The following BIN2 variants were observed in gnomAD, a reference collection of about 807,000 sequenced individuals.
BIN2 encodes bridging integrator 2, also known as breast cancer associated protein BRAP1.
A neutral mutation model predicts 67.9 loss-of-function variants in BIN2; 43 were observed. That is an observed-to-expected ratio of 0.63 (90% CI 0.50 to 0.82). BIN2 has a LOEUF of 0.82. Ranked by LOEUF, BIN2 falls within the 40% of genes least tolerant of loss-of-function variation. BIN2 has a pLI of 0.00. For missense variants in BIN2, 581 were observed against 671.6 expected (o/e 0.87, Z 1.49); for synonymous variants, 244 against 246.8 (o/e 0.99, Z 0.11).
At chr12:51,318,798 T>C (rs567735947) in intron 1 of BIN2, among the ~76,000 whole-genome samples, 1 of 152,342 alleles carries the variant, frequency 6.6e-6, no homozygotes, top group East Asian at 1.9e-4. Flanking sequence ...ATATTTTGCA[T>C]GTAAATTGCT....
At chr12:51,320,231 C>T (rs1019183878) in intron 1 of BIN2, among the ~76,000 whole-genome samples, 1 of 152,090 alleles carries the variant, frequency 6.6e-6, no homozygotes, top group Non-Finnish European at 1.5e-5. Flanking sequence ...CATTGGCCAG[C>T]CTGGTCTCGA....
At chr12:51,307,923 G>A (rs1210977321) in intron 2 of BIN2, among the ~76,000 whole-genome samples, 1 of 152,080 alleles carries the variant, frequency 6.6e-6, no homozygotes, top group Non-Finnish European at 1.5e-5. Flanking sequence ...CTCCATTTCT[G>A]TGTTTTAGAA....
At position 51,313,532 on chromosome 12, in the gene BIN2, G is replaced by A. The variant is rs553702834; in HGVS notation, c.162+291C>T. Among the ~76,000 whole-genome samples the A allele has an allele frequency of 3.9e-5, 6 of 151,936 alleles. No individual in the cohort carries two copies. In the South Asian group the frequency reaches 1.3e-3, roughly 32 times the overall value. ...TTTTTTGTATTTTTAGTACAGACGG[G>A]GTTTCATCATGTTGGCCAGGATGGT... is the stretch of plus-strand genomic sequence containing the variant. On this transcript the variant is annotated intron_variant, in intron 2 of 12. Transcript: ENST00000615107.
intron 5 of BIN2, 95 bp from the exon 6 acceptor site, chr12:51,299,809 T>A: frequency 9.4e-7 from 1 of 1,061,936 alleles, no homozygotes; most frequent in South Asian, 1.3e-5. Context: ...GATTCTTGCA[T>A]CCTACTATCA....
intron 9 of BIN2, among the ~76,000 whole-genome samples, chr12:51,295,575 A>AAAAAGAAAAAAAAAG (rs1945529931): frequency 1.1e-4 from 2 of 18,268 alleles, no homozygotes; most frequent in East Asian, 4.4e-3. Flanking sequence ...AAAAAAAAAA[A>AAAAAGAAAAAAAAAG]AAATATATAT....
chr12:51,316,613 T>A (rs180906052), intron 1 of BIN2, among the ~76,000 whole-genome samples: 11 of 152,276 alleles, frequency 7.2e-5, no homozygotes, highest in Admixed American at 6.5e-4. Context: ...TCTCTGCAGG[T>A]CTCCTTTCCT....
intron 1 of BIN2, among the ~76,000 whole-genome samples, chr12:51,323,726 A>T (rs1489290335): frequency 6.6e-6 from 1 of 151,984 alleles, no homozygotes; most frequent in African/African-American, 2.4e-5. Flanking sequence ...CCTTTCTTTC[A>T]CCTTTTCTGG....
At chr12:51,324,658 G>T (rs896158011), upstream of BIN2, 13 of 924,826 alleles carry the variant, frequency 1.4e-5, no homozygotes, top group South Asian at 2.7e-4. Flanking sequence ...GGGCTTGAAA[G>T]AGAGAAACAG....
chr12:51,309,618 C>A (rs1220886916), intron 2 of BIN2, among the ~76,000 whole-genome samples: 2 of 152,056 alleles, frequency 1.3e-5, no homozygotes, highest in Non-Finnish European at 2.9e-5. Context: ...ACCCCTGGCC[C>A]TTCCGCTTCA....
At chr12:51,312,551 T>C (rs1946021564) in intron 2 of BIN2, among the ~76,000 whole-genome samples, 1 of 152,206 alleles carries the variant, frequency 6.6e-6, no homozygotes, top group African/African-American at 2.4e-5. Context: ...CCGAATGAAA[T>C]GATATATCTA....
chr12:51,283,904 G>T (rs1945176041), intron 12 of BIN2, among the ~76,000 whole-genome samples: 1 of 148,262 alleles, frequency 6.7e-6, no homozygotes, highest in Non-Finnish European at 1.5e-5. Context: ...TGAGGCAGGA[G>T]AATTGCTTGA....
chr12:51,319,955 C>CTCTCTCCTTCCTTTCT (rs140671810), intron 1 of BIN2, among the ~76,000 whole-genome samples: 1 of 150,966 alleles, frequency 6.6e-6, no homozygotes, highest in Non-Finnish European at 1.5e-5. Flanking sequence ...GGAAATCTTT[C>CTCTCTCCTTCCTTTCT]TCTTTCCTTC....
intron 11 of BIN2, among the ~76,000 whole-genome samples, chr12:51,286,121 AT>A (rs1298444958): frequency 6.6e-6 from 1 of 151,784 alleles, no homozygotes; most frequent in Non-Finnish European, 1.5e-5. Context: ...TTTCCCAGTA[AT>A]TTTTTTTCAA....
At chr12:51,316,618 T>C (rs1016552434) in intron 1 of BIN2, among the ~76,000 whole-genome samples, 2 of 152,206 alleles carry the variant, frequency 1.3e-5, no homozygotes, top group Non-Finnish European at 2.9e-5. Flanking sequence ...GCAGGTCTCC[T>C]TTCCTAACAC....
chr12:51,313,184 GAGGA>G (rs534447282), intron 2 of BIN2, among the ~76,000 whole-genome samples: 130 of 113,834 alleles, frequency 1.1e-3, no homozygotes, highest in East Asian at 0.011. Flanking sequence ...GTTGCAGTGA[GAGGA>G]AGGAAGGAAG....
At chr12:51,284,940 G>A (rs1390256454) in intron 11 of BIN2, among the ~76,000 whole-genome samples, 153 bp from the exon 12 acceptor site, 1 of 152,162 alleles carries the variant, frequency 6.6e-6, no homozygotes, top group Non-Finnish European at 1.5e-5. Context: ...AGAGCCTGAA[G>A]GCATCGGGAA....
Position 51,291,940 on chromosome 12 carries a change from A to C in BIN2, c.1166T>G (p.Leu389Arg). The C allele has an allele frequency of 6.2e-7, 1 of 1,614,050 alleles. No homozygotes were observed. Among genetic ancestry groups the C allele is most frequent in the Non-Finnish European group, 8.5e-7 (1 of 1,180,000 alleles). ...TCCTTCACTTGCGGTGCGGGTTCGG[A>C]GGACTACTTCTGTGGCAGATGATGA... is the stretch of plus-strand genomic sequence containing the variant. ...QPSSSATEVV[L>R]RTRTASEGSE... Residue 389 changes from leucine (L) to arginine (R), a missense_variant, in exon 10 of 13, where the codon CTC (leucine) becomes CGC (arginine). Physicochemically the swap from Leu to Arg is moderately radical, Grantham distance 102. Transcript: ENST00000615107.
At chr12:51,297,400 T>A in intron 7 of BIN2, 2 of 285,078 alleles carry the variant, frequency 7.0e-6, no homozygotes, top group Non-Finnish European at 1.3e-5. Flanking sequence ...AACCCGTCTC[T>A]ACTAAAAAAA....
intron 1 of BIN2, 36 bp downstream of exon 1, chr12:51,323,986 T>G: frequency 1.9e-6 from 3 of 1,606,400 alleles, no homozygotes; most frequent in Non-Finnish European, 2.6e-6. Flanking sequence ...CTCGGCTCCC[T>G]GTGGGCCAGA....
Sources: gnomAD v4.1 joint callset for allele counts (sites outside exome capture counted in the v4.1 genomes callset) on GRCh38, gnomAD v4.1.1 for gene constraint, MANE v1.5 for transcripts, NCBI Gene and HGNC (gene_info 2026-07-23, HGNC 2026-07-21) for gene names.